The following PPFIA2 variants were observed in gnomAD, a reference collection of about 807,000 sequenced individuals.
PPFIA2 encodes the protein PPFI scaffold protein A2.
Under a neutral mutation model 175.5 loss-of-function variants are expected in PPFIA2, and 46 were observed. That is an observed-to-expected ratio of 0.26 (90% CI 0.21 to 0.34). The LOEUF (loss-of-function observed/expected upper bound fraction) is 0.34. Ranked by LOEUF, PPFIA2 falls within the 10% of genes least tolerant of loss-of-function variation. PPFIA2 has a pLI of 1.00. For synonymous variants in PPFIA2, 568 were observed against 511.4 expected, an observed-to-expected ratio of 1.11 and a Z score of -1.49; for missense variants, 1,179 against 1,506.1, an observed-to-expected ratio of 0.78 and a Z score of 3.60.
At chr12:81,349,823 T>G (rs2059705693) in intron 17 of PPFIA2, among the ~76,000 whole-genome samples, 1 of 152,158 alleles carries the variant, frequency 6.6e-6, no homozygotes, top group South Asian at 2.1e-4. Flanking sequence ...TGAACATTGC[T>G]GTGGCAAATG....
chr12:81,283,074 G>A (rs1195616616), intron 25 of PPFIA2, 35 bp from the exon 26 acceptor site: 2 of 1,604,056 alleles, frequency 1.2e-6, no homozygotes, highest in African/African-American at 1.3e-5. Flanking sequence ...AATAAAGCAG[G>A]TAAATATAAA....
chr12:81,634,976 T>G (rs970998414), intron 4 of PPFIA2, among the ~76,000 whole-genome samples: 39 of 152,214 alleles, frequency 2.6e-4, no homozygotes, highest in Admixed American at 6.5e-4. Flanking sequence ...TAGGAGACAT[T>G]ATTTTAAAAC....
intron 22 of PPFIA2, among the ~76,000 whole-genome samples, chr12:81,316,526 G>C (rs917684995): frequency 1.3e-5 from 2 of 151,326 alleles, no homozygotes; most frequent in African/African-American, 4.8e-5. Context: ...TATTTATTAG[G>C]GAACATTCAC....
At chr12:81,432,335 C>T (rs1467638359) in intron 7 of PPFIA2, among the ~76,000 whole-genome samples, 2 of 152,084 alleles carry the variant, frequency 1.3e-5, no homozygotes, top group Non-Finnish European at 2.9e-5. Context: ...CTCCTGAGTT[C>T]AAGCGACCCT....
At chr12:81,379,011 A>G (rs556281435) in intron 9 of PPFIA2, among the ~76,000 whole-genome samples, 25 of 152,226 alleles carry the variant, frequency 1.6e-4, no homozygotes, top group African/African-American at 5.3e-4. Context: ...ATTAATTACT[A>G]TTATGTACAC....
chr12:81,298,407 T>A (rs991130322), intron 23 of PPFIA2: 5 of 152,228 alleles, frequency 3.3e-5, no homozygotes, highest in Admixed American at 3.3e-4. Flanking sequence ...GGCTTTAATG[T>A]TTCTTTATTA....
intron 4 of PPFIA2, among the ~76,000 whole-genome samples, chr12:81,666,424 T>C (rs554967922): frequency 5.3e-4 from 81 of 152,302 alleles, no homozygotes; most frequent in African/African-American, 1.8e-3. Flanking sequence ...TGGAATATTA[T>C]GCAGCCATAA....
At chr12:81,623,900 C>A (rs1430641735) in intron 4 of PPFIA2, among the ~76,000 whole-genome samples, 2 of 151,830 alleles carry the variant, frequency 1.3e-5, no homozygotes, top group Non-Finnish European at 2.9e-5. Context: ...AAAACAAACA[C>A]CCTACAACAA....
chr12:81,652,958 T>C (rs1340301584), intron 4 of PPFIA2, among the ~76,000 whole-genome samples: 1 of 152,070 alleles, frequency 6.6e-6, no homozygotes, highest in Non-Finnish European at 1.5e-5. Context: ...GAGCCATCTT[T>C]AATTTTCCTC....
At chr12:81,544,009 T>C (rs550675735) in intron 4 of PPFIA2, among the ~76,000 whole-genome samples, 2 of 152,200 alleles carry the variant, frequency 1.3e-5, no homozygotes, top group Admixed American at 1.3e-4. Context: ...CTGGAAGAGA[T>C]CTTTGAACAC....
intron 4 of PPFIA2, chr12:81,598,199 AT>A (rs1271412684): frequency 1.5e-6 from 2 of 1,356,062 alleles, no homozygotes. Flanking sequence ...GTTCTTCTAC[AT>A]TTGAAATCTT....
intron 13 of PPFIA2, among the ~76,000 whole-genome samples, chr12:81,367,618 C>G (rs1267526496): frequency 4.6e-5 from 7 of 151,482 alleles, no homozygotes; most frequent in African/African-American, 1.7e-4. Flanking sequence ...TTCTGGACAT[C>G]TACTGCAATG....
chr12:81,616,721 G>T (rs1206693755), intron 4 of PPFIA2, among the ~76,000 whole-genome samples: 1 of 152,026 alleles, frequency 6.6e-6, no homozygotes, highest in East Asian at 1.9e-4. Context: ...TTAAAGGAAA[G>T]AACCATAAAT....
chr12:81,356,342 T>C (rs892626962), intron 16 of PPFIA2, among the ~76,000 whole-genome samples: 7 of 151,886 alleles, frequency 4.6e-5, no homozygotes, highest in African/African-American at 1.7e-4. Flanking sequence ...CCATAACAGA[T>C]ATAATAATAA....
intron 4 of PPFIA2, among the ~76,000 whole-genome samples, chr12:81,499,457 T>G (rs2060367090): frequency 6.6e-6 from 1 of 152,146 alleles, no homozygotes; most frequent in East Asian, 1.9e-4. Context: ...AAATTAATTC[T>G]CATCATGGAG....
intron 9 of PPFIA2, among the ~76,000 whole-genome samples, chr12:81,379,981 T>G (rs2141870964): frequency 6.6e-6 from 1 of 152,324 alleles, no homozygotes; most frequent in Non-Finnish European, 1.5e-5. Context: ...TTTACTCAAT[T>G]ATTACAACAT....
chr12:81,637,472 A>C (rs1262760101), intron 4 of PPFIA2, among the ~76,000 whole-genome samples: 3 of 151,338 alleles, frequency 2.0e-5, no homozygotes, highest in African/African-American at 7.3e-5. Flanking sequence ...TACCTGTCAA[A>C]TATTTGGATT....
In PPFIA2 at chr12:81,759,330, C is replaced by G. The variant is rs1391622902; in HGVS notation, c.-161G>C. 6.6e-6 allele frequency: 1 copy of G among 152,202 alleles called. No individual in the cohort carries two copies. Among genetic ancestry groups the G allele is most frequent in the Non-Finnish European group, 1.5e-5 (1 of 68,156 alleles). 9.4% of individuals were successfully genotyped at this position (152,202 alleles called of 1,614,324 possible). A position where few individuals can be genotyped will look rare whatever the true frequency, so the allele number is the denominator to read the frequency against. ...CAGCATCTTCTCTCCTCACTTGCCTCGTGCGGTGGCTGCTACTCCTCCTCC... is the reference window on the plus strand; with the variant it reads ...CAGCATCTTCTCTCCTCACTTGCCTGGTGCGGTGGCTGCTACTCCTCCTCC... On this transcript the variant is annotated 5_prime_UTR_variant, in exon 1 of 33. Transcript: ENST00000549396.
At chr12:81,660,268 G>A (rs928587717) in intron 4 of PPFIA2, among the ~76,000 whole-genome samples, 7 of 152,088 alleles carry the variant, frequency 4.6e-5, no homozygotes, top group Non-Finnish European at 8.8e-5. Flanking sequence ...GAGGAAGTTC[G>A]AACCCATGGC....
Sources: allele counts gnomAD v4.1 joint callset (sites outside exome capture counted in the v4.1 genomes callset), GRCh38; gene constraint gnomAD v4.1.1; transcripts MANE v1.5; gene names NCBI Gene and HGNC (gene_info 2026-07-23, HGNC 2026-07-21).